Variants in NXPE3 observed in about 807,000 individuals in gnomAD.
The protein encoded by NXPE3 is NXPE family member 3.
Under a neutral mutation model 46.1 loss-of-function variants are expected in NXPE3, and 26 were observed. That is an observed-to-expected ratio of 0.56 (90% CI 0.41 to 0.78). The LOEUF (loss-of-function observed/expected upper bound fraction) is 0.78, where lower values mean the gene tolerates loss of function less well. Among genes scored for constraint, NXPE3 ranks in the 30% least tolerant of loss-of-function variants. The pLI is 0.00. For synonymous variants in NXPE3, 272 were observed against 257.9 expected, an observed-to-expected ratio of 1.05 and a Z score of -0.52; for missense variants, 620 against 686.0, an observed-to-expected ratio of 0.90 and a Z score of 1.07.
chr3:101,785,572 T>C lies in NXPE3; in HGVS notation c.-25T>C. 6.2e-7 allele frequency: 1 copy of C among 1,602,814 alleles called. No homozygotes were observed. Among genetic ancestry groups the C allele is most frequent in the Non-Finnish European group, 8.5e-7 (1 of 1,169,758 alleles). ...AGTGAAGGTAGCATGGTGTCGGCCA[T>C]GGGTGAACAAGACACAGCCAGACAA... On this transcript the variant is annotated 5_prime_UTR_variant, in exon 4 of 8. It removes an upstream start codon present in the reference 5' UTR. Coordinates refer to ENST00000273347, the MANE Select transcript of NXPE3 (RefSeq NM_145037.4).
At chr3:101,798,644 G>A (rs934454864) in intron 4 of NXPE3, among the ~76,000 whole-genome samples, 4 of 137,316 alleles carry the variant, frequency 2.9e-5, no homozygotes, top group Non-Finnish European at 6.2e-5. Context: ...ACAAAGTCTT[G>A]TTCTGTTGTC....
intron 6 of NXPE3, among the ~76,000 whole-genome samples, chr3:101,808,076 A>G (rs921719202): frequency 7.2e-5 from 11 of 152,204 alleles, no homozygotes; most frequent in African/African-American, 2.7e-4. Context: ...TAGAATTGCA[A>G]ATTCTCAGGT....
chr3:101,808,934 C>T (rs941511557), intron 6 of NXPE3, among the ~76,000 whole-genome samples: 4 of 147,982 alleles, frequency 2.7e-5, no homozygotes, highest in Admixed American at 1.4e-4. Flanking sequence ...TTCAGTAGTA[C>T]TGCGCTCTAA....
chr3:101,801,197 AT>A, intron 4 of NXPE3, 37 bp from the exon 5 acceptor site: 1 of 1,562,222 alleles, frequency 6.4e-7, no homozygotes, highest in South Asian at 1.2e-5. Flanking sequence ...GAGACCTATT[AT>A]AGTGGTAATT....
chr3:101,815,361 G>A (rs1941924824), intron 6 of NXPE3, among the ~76,000 whole-genome samples: 1 of 152,092 alleles, frequency 6.6e-6, no homozygotes, highest in Admixed American at 6.5e-5. Context: ...ATTTGAAGAT[G>A]GGATTCATGG....
chr3:101,804,493 A>T (rs894572365), intron 5 of NXPE3, among the ~76,000 whole-genome samples: 11 of 152,208 alleles, frequency 7.2e-5, no homozygotes, highest in Non-Finnish European at 1.3e-4. Flanking sequence ...AACATTTGAC[A>T]GAGTTCTCAT....
intron 3 of NXPE3, among the ~76,000 whole-genome samples, chr3:101,783,438 C>T (rs1560034196): frequency 6.6e-6 from 1 of 152,208 alleles, no homozygotes; most frequent in Non-Finnish European, 1.5e-5. Flanking sequence ...ATGGGTCTCT[C>T]AAATGTCAGT....
intron 6 of NXPE3, among the ~76,000 whole-genome samples, chr3:101,808,556 C>T (rs980731212): frequency 5.9e-5 from 9 of 151,856 alleles, no homozygotes; most frequent in South Asian, 2.1e-4. Flanking sequence ...TGCCCAGCTC[C>T]GTAGATTTGT....
chr3:101,815,988 C>G (rs577831757), intron 6 of NXPE3, among the ~76,000 whole-genome samples: 1 of 150,546 alleles, frequency 6.6e-6, no homozygotes, highest in Non-Finnish European at 1.5e-5. Flanking sequence ...GAGCGAGACT[C>G]TGTCTCGGAA....
rs569473310 is a variant in NXPE3, at chr3:101,823,092, T to A, written c.*1138T>A. ...ATTTGACTTATTAATTTTAAACGAG[T>A]TTAATTTGGGATCATTTAGTAAGTA... On this transcript the variant is annotated 3_prime_UTR_variant, in exon 8 of 8. Coordinates refer to ENST00000273347, the MANE Select transcript of NXPE3 (RefSeq NM_145037.4). 1 of 151,958 alleles carries A rather than the reference T, an allele frequency of 6.6e-6. No homozygotes were observed. Among genetic ancestry groups the A allele is most frequent in the Non-Finnish European group, 1.5e-5 (1 of 67,994 alleles). The allele number at this position is 151,958 out of a possible 1,614,324, so 9.4% of individuals were successfully genotyped here. A position where few individuals can be genotyped will look rare whatever the true frequency, so the allele number is the denominator to read the frequency against.
intron 4 of NXPE3, among the ~76,000 whole-genome samples, chr3:101,789,031 A>C (rs1454834349): frequency 6.6e-6 from 1 of 152,028 alleles, no homozygotes; most frequent in Non-Finnish European, 1.5e-5. Context: ...CTCTGACCAG[A>C]GATTTGTGTT....
At chr3:101,804,512 T>C (rs1246939542) in intron 5 of NXPE3, among the ~76,000 whole-genome samples, 6 of 152,222 alleles carry the variant, frequency 3.9e-5, no homozygotes, top group Non-Finnish European at 7.3e-5. Flanking sequence ...ATAATTGATT[T>C]TCATTTTCCA....
rs765770597 is a variant in NXPE3 at position 101,801,347 on chromosome 3, C to T, written c.206C>T (p.Thr69Ile). 26 of 1,614,226 alleles carry T rather than the reference C, an allele frequency of 1.6e-5. No homozygotes were observed. The South Asian group carries it at 2.7e-4, about 17-fold the overall frequency. ...RNPYCGYDQQ[T>I]LSSQERMEED... Reference sequence around the variant, plus strand: ...CCCTACTGTGGCTATGATCAGCAGACCCTGTCCAGCCAGGAGCGCATGGAG... The same window carrying T: ...CCCTACTGTGGCTATGATCAGCAGATCCTGTCCAGCCAGGAGCGCATGGAG... Residue 69 changes from threonine (T) to isoleucine (I), a missense_variant, in exon 5 of 8, where the codon ACC becomes ATC. By Grantham distance (89) the Thr-to-Ile change is moderately conservative. Transcript: ENST00000273347.
At chr3:101,800,700 G>C (rs1439900034) in intron 4 of NXPE3, among the ~76,000 whole-genome samples, 2 of 151,712 alleles carry the variant, frequency 1.3e-5, no homozygotes, top group Non-Finnish European at 2.9e-5. Context: ...ACATGTTAAG[G>C]GTTGTTTTTT....
intron 4 of NXPE3, among the ~76,000 whole-genome samples, chr3:101,795,319 G>A (rs1365737514): frequency 6.6e-6 from 1 of 152,132 alleles, no homozygotes; most frequent in East Asian, 1.9e-4. Flanking sequence ...GGAGTTTTGA[G>A]ACCAGCTTGG....
At chr3:101,804,946 G>A (rs1191102458) in intron 5 of NXPE3, among the ~76,000 whole-genome samples, 2 of 151,964 alleles carry the variant, frequency 1.3e-5, no homozygotes, top group Admixed American at 6.6e-5. Flanking sequence ...TTCTAACTTT[G>A]TGTTTAAAAA....
At position 101,807,043 on chromosome 3, in the gene NXPE3, C is replaced by T. The variant is rs755893978; in HGVS notation, c.849-10C>T. On this transcript the variant is annotated splice_polypyrimidine_tract_variant and intron_variant, in intron 5 of 7. Transcript: ENST00000273347. The stretch of plus-strand genomic sequence containing the variant: ...GAACCTGAGCTTGTGCTTTTTTATT[C>T]CTCTTAAAGTGGTGTCAATATCAAA... The T allele has an allele frequency of 5.6e-6, 9 of 1,599,714 alleles. No individual in the cohort carries two copies. The highest frequency in any genetic ancestry group is 7.7e-6 in the Non-Finnish European group (9 of 1,167,936).
Position 101,785,693 on chromosome 3 carries a change from A to G in NXPE3, c.93+4A>G. 1.2e-6 allele frequency: 2 copies of G among 1,611,844 alleles called. No homozygotes were observed. Among genetic ancestry groups the G allele is most frequent in the Non-Finnish European group, 1.7e-6 (2 of 1,177,982 alleles). On this transcript the variant is annotated splice_donor_region_variant and intron_variant, in intron 4 of 7. Transcript: ENST00000273347. ...CATCAATGTTACTCAGGTAGAGGTG[A>G]GTACCCAGTATAATCCCTCATAACT...
rs1453652410 is a variant in NXPE3 at position 101,823,021 on chromosome 3, C to G, written c.*1067C>G. On this transcript the variant is annotated 3_prime_UTR_variant, in exon 8 of 8. Transcript: ENST00000273347. The stretch of plus-strand genomic sequence containing the variant: ...CCCATTCTCTCATGCTTGGAAGAAG[C>G]TGCTATTCCTACTGGCTATCTAAGA... The G allele has an allele frequency of 1.3e-5, 2 of 152,106 alleles. No individual in the cohort carries two copies. Among genetic ancestry groups the G allele is most frequent in the African/African-American group, 4.8e-5 (2 of 41,398 alleles). The allele number at this position is 152,106 out of a possible 1,614,324, so 9.4% of individuals were successfully genotyped here.
Sources: gnomAD v4.1 joint callset for allele counts (sites outside exome capture counted in the v4.1 genomes callset) on GRCh38, gnomAD v4.1.1 for gene constraint, MANE v1.5 for transcripts, NCBI Gene and HGNC (gene_info 2026-07-23, HGNC 2026-07-21) for gene names.